KCNIP1: variants seen among roughly 807,000 people sequenced by gnomAD.
KCNIP1 encodes potassium voltage-gated channel interacting protein 1, also known as A-type potassium channel modulatory protein KCNIP1.
KCNIP1 carries 18 observed loss-of-function variants against 33.0 expected under a neutral mutation model. That is an observed-to-expected ratio of 0.55 (90% CI 0.38 to 0.81). The LOEUF (loss-of-function observed/expected upper bound fraction) is 0.81. Ranked by LOEUF, KCNIP1 falls within the 30% of genes least tolerant of loss-of-function variation. The probability of loss-of-function intolerance (pLI) is 0.00; values close to 1 mark genes in which losing one functional copy is unlikely to be tolerated. For missense variants in KCNIP1, 238 were observed against 271.6 expected, an observed-to-expected ratio of 0.88 and a Z score of 0.87; for synonymous variants, 93 against 98.3, an observed-to-expected ratio of 0.95 and a Z score of 0.32.
At chr5:170,400,535 C>T (rs1489209137) in intron 1 of KCNIP1, among the ~76,000 whole-genome samples, 3 of 152,148 alleles carry the variant, frequency 2.0e-5, no homozygotes, top group Middle Eastern at 3.2e-3. Flanking sequence ...GGACACAGAG[C>T]CTAGCCATAT....
At chr5:170,570,780 A>T (rs1757380179) in intron 1 of KCNIP1, among the ~76,000 whole-genome samples, 1 of 152,254 alleles carries the variant, frequency 6.6e-6, no homozygotes, top group South Asian at 2.1e-4. Context: ...GCCTCCTGGG[A>T]GGAAATAAAG....
intron 1 of KCNIP1, among the ~76,000 whole-genome samples, chr5:170,436,793 T>C (rs546851525): frequency 6.6e-6 from 1 of 152,294 alleles, no homozygotes; most frequent in East Asian, 1.9e-4. Context: ...TGCCCAGCTG[T>C]TTAGAGCCCA....
chr5:170,550,773 G>C (rs1044803038), intron 1 of KCNIP1, among the ~76,000 whole-genome samples: 8 of 152,198 alleles, frequency 5.3e-5, no homozygotes, highest in African/African-American at 1.9e-4. Context: ...CAATAATGGT[G>C]ATGACAAGGT....
At chr5:170,501,130 A>G (rs1047594437), upstream of KCNIP1, among the ~76,000 whole-genome samples, 1 of 152,198 alleles carries the variant, frequency 6.6e-6, no homozygotes, top group Non-Finnish European at 1.5e-5. Context: ...AATGAGAAAC[A>G]AAGTAAGGAG....
chr5:170,386,122 CAA>C (rs57184065), intron 1 of KCNIP1, among the ~76,000 whole-genome samples: 1 of 133,778 alleles, frequency 7.5e-6, no homozygotes, highest in African/African-American at 2.7e-5. Context: ...AAGACTCCGT[CAA>C]AAAAAAAAAC....
chr5:170,362,250 C>T (rs563646866), intron 1 of KCNIP1, among the ~76,000 whole-genome samples: 57 of 152,216 alleles, frequency 3.7e-4, no homozygotes, highest in Non-Finnish European at 6.5e-4. Context: ...ATAGCCACAA[C>T]TGGAAGCCTA....
At chr5:170,598,570 C>G (rs567418836) in intron 1 of KCNIP1, among the ~76,000 whole-genome samples, 1 of 152,290 alleles carries the variant, frequency 6.6e-6, no homozygotes, top group Non-Finnish European at 1.5e-5. Flanking sequence ...AGCAAAGAAC[C>G]AGGACATGGG....
chr5:170,720,240 C>T, intron 2 of KCNIP1, 81 bp from the exon 3 acceptor site: 1 of 987,764 alleles, frequency 1.0e-6, no homozygotes, highest in Non-Finnish European at 1.6e-6. Context: ...CATGAGGAAC[C>T]CCAGACACCA....
chr5:170,449,490 C>G (rs1756195459), intron 1 of KCNIP1, among the ~76,000 whole-genome samples: 1 of 152,216 alleles, frequency 6.6e-6, no homozygotes, highest in Non-Finnish European at 1.5e-5. Context: ...CGGGCAGGTC[C>G]TGAATCAGGC....
intron 1 of KCNIP1, among the ~76,000 whole-genome samples, chr5:170,553,109 GC>G (rs1384794970): frequency 6.6e-6 from 1 of 152,218 alleles, no homozygotes; most frequent in Non-Finnish European, 1.5e-5. Context: ...AACCCCAGCA[GC>G]ACCTCCTCCC....
At chr5:170,378,976 G>A (rs1013878013) in intron 1 of KCNIP1, 13 of 1,613,030 alleles carry the variant, frequency 8.1e-6, no homozygotes, top group Non-Finnish European at 9.3e-6. Context: ...TAGGAGCACT[G>A]TGGGGAGAAA....
intron 1 of KCNIP1, among the ~76,000 whole-genome samples, chr5:170,528,483 T>A (rs1755662465): frequency 1.3e-5 from 2 of 152,152 alleles, no homozygotes; most frequent in South Asian, 4.1e-4. Flanking sequence ...AACAAAATGG[T>A]TGTGTCCAGT....
At chr5:170,693,361 T>G (rs1235343405) in intron 1 of KCNIP1, among the ~76,000 whole-genome samples, 1 of 152,180 alleles carries the variant, frequency 6.6e-6, no homozygotes. Flanking sequence ...CACACAGGAA[T>G]AGATGGGAGG....
chr5:170,378,879 T>C, intron 1 of KCNIP1: 1 of 1,614,220 alleles, frequency 6.2e-7, no homozygotes, highest in Non-Finnish European at 8.5e-7. Flanking sequence ...GGAGAAGCAG[T>C]AGAAGACCTG....
intron 1 of KCNIP1, among the ~76,000 whole-genome samples, chr5:170,490,195 G>GTGAAGGCA (rs1193715660): frequency 3.9e-5 from 6 of 152,212 alleles, no homozygotes; most frequent in Non-Finnish European, 8.8e-5. Context: ...CCCCTGCAAA[G>GTGAAGGCA]TGAAGGCATT....
chr5:170,401,863 G>A (rs905228371), intron 1 of KCNIP1, among the ~76,000 whole-genome samples: 1 of 152,096 alleles, frequency 6.6e-6, no homozygotes, highest in South Asian at 2.1e-4. Context: ...TAGAGTTGCT[G>A]TGACACAAAT....
chr5:170,620,468 C>G (rs1759559171), intron 1 of KCNIP1, among the ~76,000 whole-genome samples: 3 of 152,298 alleles, frequency 2.0e-5, no homozygotes, highest in African/African-American at 7.2e-5. Context: ...AAAGTAAGGG[C>G]TGGGGCTGCT....
At position 170,624,005 on chromosome 5, in the gene KCNIP1, G is replaced by A. The variant is rs145378486; in HGVS notation, c.62-94753G>A. Among the ~76,000 whole-genome samples the A allele has an allele frequency of 4.2e-3, 643 of 152,318 alleles. 5 individuals are homozygous for A. Among genetic ancestry groups the A allele is most frequent in the African/African-American group, 0.014 (575 of 41,558 alleles). On this transcript the variant is annotated intron_variant, in intron 1 of 7. Coordinates refer to ENST00000328939, the MANE Select transcript of KCNIP1 (RefSeq NM_014592.4). ...TATGCTCCCTGCCTCCAGTGGCCCC[G>A]TGTCTGGGAAATAGTGGCCCTGGCC...
chr5:170,630,502 G>T (rs553622034), intron 1 of KCNIP1, among the ~76,000 whole-genome samples: 4 of 152,218 alleles, frequency 2.6e-5, no homozygotes, highest in Non-Finnish European at 5.9e-5. Flanking sequence ...TCGTTATGTC[G>T]CTGGAGCCCA....
Sources: allele counts gnomAD v4.1 joint callset (sites outside exome capture counted in the v4.1 genomes callset), GRCh38; gene constraint gnomAD v4.1.1; transcripts MANE v1.5; gene names NCBI Gene and HGNC (gene_info 2026-07-23, HGNC 2026-07-21).